The following TMEM178B variants were observed in gnomAD, a reference collection of about 807,000 sequenced individuals.
TMEM178B encodes the protein transmembrane protein 178B.
A neutral mutation model predicts 31.0 loss-of-function variants in TMEM178B; 5 were observed. The ratio of observed to expected loss-of-function variants is 0.16; its 90% CI spans 0.08 to 0.34. The LOEUF (loss-of-function observed/expected upper bound fraction) is 0.34. TMEM178B is among the 10% of genes least tolerant of loss of function. The pLI is 1.00. For synonymous variants in TMEM178B, 164 were observed against 164.0 expected, an observed-to-expected ratio of 1.00 and a Z score of 0.00; for missense variants, 275 against 400.3, an observed-to-expected ratio of 0.69 and a Z score of 2.67.
At chr7:141,402,249 G>T (rs1364227948) in intron 2 of TMEM178B, among the ~76,000 whole-genome samples, 3 of 152,182 alleles carry the variant, frequency 2.0e-5, no homozygotes, top group Non-Finnish European at 4.4e-5. Flanking sequence ...GCATGGGAGG[G>T]CCAGAAGGCT....
At chr7:141,481,064 A>T (rs116827661), downstream of TMEM178B, among the ~76,000 whole-genome samples, 1 of 152,190 alleles carries the variant, frequency 6.6e-6, no homozygotes, top group Non-Finnish European at 1.5e-5. Context: ...ATCGCATCTC[A>T]TGCTGATCTG....
chr7:141,140,948 G>T (rs1795758270), intron 1 of TMEM178B, among the ~76,000 whole-genome samples: 1 of 152,148 alleles, frequency 6.6e-6, no homozygotes, highest in African/African-American at 2.4e-5. Context: ...CTACTGTGAA[G>T]TTATTTATTT....
the TMEM178B span, among the ~76,000 whole-genome samples, chr7:141,493,949 C>A: frequency 1.8e-3 from 273 of 152,260 alleles, 3 homozygotes; most frequent in African/African-American, 6.4e-3. Context: ...ATGTATGCAT[C>A]CATTATCTCA....
intron 1 of TMEM178B, among the ~76,000 whole-genome samples, chr7:141,133,360 GA>G (rs1795623290): frequency 6.6e-6 from 1 of 152,024 alleles, no homozygotes; most frequent in Non-Finnish European, 1.5e-5. Flanking sequence ...TTCATGATCT[GA>G]GTGAGAAATT....
rs541842637 is a variant in TMEM178B, at chr7:141,138,690, A to G, written c.382+63998A>G. On this transcript the variant is annotated intron_variant, in intron 1 of 3. Transcript: ENST00000565468. ...AAGATAAGACTTACAGGTTGAAAGTATAAAAGTGGTGGCCGGGCGGGGTGG... is the reference window on the plus strand; with the variant it reads ...AAGATAAGACTTACAGGTTGAAAGTGTAAAAGTGGTGGCCGGGCGGGGTGG... Among the ~76,000 whole-genome samples the G allele has an allele frequency of 3.3e-5, 5 of 152,216 alleles. No homozygotes were observed. In the East Asian group the frequency reaches 9.7e-4, roughly 30 times the overall value.
At chr7:141,296,714 C>T (rs570145736) in intron 2 of TMEM178B, among the ~76,000 whole-genome samples, 27 of 152,320 alleles carry the variant, frequency 1.8e-4, no homozygotes, top group Admixed American at 1.6e-3. Flanking sequence ...CACTCAGTTT[C>T]CCCCAGTGGT....
At chr7:141,340,958 G>A (rs369668517) in intron 2 of TMEM178B, among the ~76,000 whole-genome samples, 10 of 152,090 alleles carry the variant, frequency 6.6e-5, no homozygotes, top group Admixed American at 2.6e-4. Flanking sequence ...GAAACTCACC[G>A]CTCCCTTCCC....
At chr7:141,178,033 G>A (rs1229183190) in intron 1 of TMEM178B, among the ~76,000 whole-genome samples, 1 of 152,184 alleles carries the variant, frequency 6.6e-6, no homozygotes, top group African/African-American at 2.4e-5. Context: ...TTTCTTCATA[G>A]CATCGATGGC....
intron 2 of TMEM178B, among the ~76,000 whole-genome samples, chr7:141,301,791 C>T (rs1231900027): frequency 6.6e-6 from 1 of 152,154 alleles, no homozygotes; most frequent in East Asian, 1.9e-4. Flanking sequence ...CTTGTGAGCA[C>T]CAGTGCAGAA....
intron 2 of TMEM178B, among the ~76,000 whole-genome samples, chr7:141,234,834 G>A (rs1325703580): frequency 2.6e-5 from 4 of 152,210 alleles, no homozygotes; most frequent in African/African-American, 4.8e-5. Flanking sequence ...CTATGCAGAC[G>A]TGGGAGGTGA....
At chr7:141,121,000 C>T (rs1282075902) in intron 1 of TMEM178B, among the ~76,000 whole-genome samples, 2 of 151,366 alleles carry the variant, frequency 1.3e-5, no homozygotes, top group Non-Finnish European at 1.5e-5. Flanking sequence ...TAATTATATA[C>T]TCCTTCTGCT....
At position 141,423,805 on chromosome 7, in the gene TMEM178B, G is replaced by GTTT. The variant is rs5888005; in HGVS notation, c.497-13784_497-13782dup. Among the ~76,000 whole-genome samples, 175 of 108,790 alleles carry GTTT rather than the reference G, an allele frequency of 1.6e-3. 1 individual carries two copies. Among genetic ancestry groups the GTTT allele is most frequent in the Non-Finnish European group, 2.2e-3 (122 of 55,178 alleles). The allele number at this position is 108,790 out of a possible 152,430, so 71.4% of individuals were successfully genotyped here. A position where few individuals can be genotyped will look rare whatever the true frequency, so the allele number is the denominator to read the frequency against. ...AGAAGATTTCTATAGTGACATTTGT[G>GTTT]TTTTTTTTTTTTTTTTTTTTTGAAA... On this transcript the variant is annotated intron_variant, in intron 2 of 3. Coordinates refer to ENST00000565468, the MANE Select transcript of TMEM178B (RefSeq NM_001195278.2).
intron 3 of TMEM178B, among the ~76,000 whole-genome samples, chr7:141,455,375 C>A (rs1801944824): frequency 6.6e-6 from 1 of 152,220 alleles, no homozygotes; most frequent in Admixed American, 6.5e-5. Context: ...TTCTTCCAAT[C>A]TCACCAGCTA....
chr7:141,097,868 T>C (rs1794991821), intron 1 of TMEM178B, among the ~76,000 whole-genome samples: 1 of 148,128 alleles, frequency 6.8e-6, no homozygotes, highest in East Asian at 2.0e-4. Flanking sequence ...TCTCTCTCAC[T>C]GCAGCTTCGA....
chr7:141,275,815 C>G (rs1176332979), intron 2 of TMEM178B, among the ~76,000 whole-genome samples: 1 of 152,162 alleles, frequency 6.6e-6, no homozygotes, highest in Non-Finnish European at 1.5e-5. Context: ...TAATCAATGA[C>G]AGACTGTTTC....
chr7:141,371,139 C>G (rs1336913880), intron 2 of TMEM178B, among the ~76,000 whole-genome samples: 1 of 152,158 alleles, frequency 6.6e-6, no homozygotes, highest in Non-Finnish European at 1.5e-5. Context: ...GATCTTTGTC[C>G]CTTCCAAACC....
chr7:141,329,425 A>C (rs1799256102), intron 2 of TMEM178B, among the ~76,000 whole-genome samples: 1 of 152,184 alleles, frequency 6.6e-6, no homozygotes, highest in Non-Finnish European at 1.5e-5. Flanking sequence ...CAGATTCTGC[A>C]AGGCAGCGTA....
At chr7:141,215,826 C>CT (rs921727110) in intron 2 of TMEM178B, among the ~76,000 whole-genome samples, 7 of 51,776 alleles carry the variant, frequency 1.4e-4, no homozygotes, top group East Asian at 8.0e-4. Context: ...TTCTTTCTTT[C>CT]TTTCTTTCTT....
intron 1 of TMEM178B, among the ~76,000 whole-genome samples, chr7:141,111,403 G>A (rs1487136667): frequency 3.9e-5 from 6 of 152,192 alleles, no homozygotes; most frequent in African/African-American, 1.4e-4. Flanking sequence ...TGGGGACACA[G>A]CCAAACCATA....
Sources: allele counts gnomAD v4.1 joint callset (sites outside exome capture counted in the v4.1 genomes callset), GRCh38; gene constraint gnomAD v4.1.1; transcripts MANE v1.5; gene names NCBI Gene and HGNC (gene_info 2026-07-23, HGNC 2026-07-21).